SENP8: variants seen among roughly 807,000 people sequenced by gnomAD.
SENP8 encodes the protein SUMO peptidase family member, NEDD8 specific.
In SENP8, 10 loss-of-function variants were observed where a neutral mutation model predicts 14.4. The ratio of observed to expected loss-of-function variants is 0.69; its 90% confidence interval spans 0.43 to 1.18. SENP8 has a LOEUF of 1.18. Ranked by LOEUF, SENP8 falls within the 50% of genes most tolerant of loss-of-function variation. SENP8 has a pLI of 0.00. For missense variants in SENP8, 202 were observed against 249.4 expected (o/e 0.81, Z 1.28); for synonymous variants, 94 against 95.5 (o/e 0.98, Z 0.09).
At position 72,142,880 on chromosome 15, in the gene SENP8, A is replaced by C. The variant is rs982264738; in HGVS notation, c.*2618A>C. 1 of 152,204 alleles carries C rather than the reference A, an allele frequency of 6.6e-6. No homozygotes were observed. Among genetic ancestry groups the C allele is most frequent in the Non-Finnish European group, 1.5e-5 (1 of 68,048 alleles). 9.4% of individuals were successfully genotyped at this position (152,204 alleles called of 1,614,324 possible). The stretch of plus-strand genomic sequence containing the variant: ...ATGTTTTAATAACACATTCCATTGA[A>C]ATGACCAAGTAGAATTTCTCAGTTA... On this transcript the variant is annotated 3_prime_UTR_variant, in exon 2 of 2. Coordinates refer to ENST00000340912, the MANE Select transcript of SENP8 (RefSeq NM_145204.4).
In SENP8 at chr15:72,139,590, T is replaced by C; in HGVS notation, c.-34T>C. ...ATTGTCTTCTAGCTCTTGTTCAGCT[T>C]CTGGAATTTCTGAGCAGCCCTCGTC... On this transcript the variant is annotated 5_prime_UTR_variant, in exon 2 of 2. Transcript: ENST00000340912. 1 of 1,583,066 alleles carries C rather than the reference T, an allele frequency of 6.3e-7. No homozygotes were observed. The highest frequency in any genetic ancestry group is 8.6e-7 in the Non-Finnish European group (1 of 1,163,544).
At chr15:72,136,776 T>C (rs2081331513) in intron 1 of SENP8, among the ~76,000 whole-genome samples, 1 of 152,224 alleles carries the variant, frequency 6.6e-6, no homozygotes, top group African/African-American at 2.4e-5. Context: ...ATTATTACTA[T>C]TTTCTTATAA....
At chr15:72,138,453 A>G (rs1046461906) in intron 1 of SENP8, among the ~76,000 whole-genome samples, 1 of 150,472 alleles carries the variant, frequency 6.6e-6, no homozygotes, top group African/African-American at 2.4e-5. Context: ...AGGTTCAAGC[A>G]GTTCTCCCAC....
At chr15:72,121,538 G>A (rs981864709) in intron 1 of SENP8, among the ~76,000 whole-genome samples, 1 of 150,144 alleles carries the variant, frequency 6.7e-6, no homozygotes, top group Non-Finnish European at 1.5e-5. Flanking sequence ...AGACCAGCCT[G>A]GGCAACAAAG....
intron 1 of SENP8, among the ~76,000 whole-genome samples, chr15:72,136,624 G>A (rs1027875188): frequency 3.3e-5 from 5 of 151,932 alleles, no homozygotes; most frequent in Non-Finnish European, 5.9e-5. Context: ...TTTTCATATA[G>A]GTTTTTGCAG....
At chr15:72,117,083 G>A (rs1425484159), upstream of SENP8, 1 of 152,316 alleles carries the variant, frequency 6.6e-6, no homozygotes, top group Non-Finnish European at 1.5e-5. Context: ...GGAGAGGTCT[G>A]TTGAGAGAGG....
intron 1 of SENP8, among the ~76,000 whole-genome samples, chr15:72,127,187 A>G (rs117233812): frequency 0.013 from 1,920 of 152,330 alleles, 18 homozygotes; most frequent in Non-Finnish European, 0.02. Context: ...TCTTATTTTC[A>G]TAGAGCTTAC....
rs1225274933 is a variant in SENP8, at chr15:72,142,263, GA to G, written c.*2004del. 6.6e-6 allele frequency: 1 copy of G among 152,084 alleles called. No individual in the cohort carries two copies. The highest frequency in any genetic ancestry group is 1.5e-5 in the Non-Finnish European group (1 of 68,016). 9.4% of individuals were successfully genotyped at this position (152,084 alleles called of 1,614,324 possible). On this transcript the variant is annotated 3_prime_UTR_variant, in exon 2 of 2. Transcript: ENST00000340912. The stretch of plus-strand genomic sequence containing the variant: ...GTGCCACAGATTAGTGTCCTCCTAT[GA>G]AATTTTGAGTATGTCATTTGTAAAT...
chr15:72,114,466 T>G (rs568205121), upstream of SENP8: 2 of 152,166 alleles, frequency 1.3e-5, no homozygotes, highest in African/African-American at 4.8e-5. Flanking sequence ...ATGTTGGCAG[T>G]GAAGTACAGA....
At chr15:72,126,862 T>C (rs1437261203) in intron 1 of SENP8, among the ~76,000 whole-genome samples, 2 of 152,204 alleles carry the variant, frequency 1.3e-5, no homozygotes, top group African/African-American at 4.8e-5. Flanking sequence ...TTTATGCTAT[T>C]GATTTATCTA....
chr15:72,135,122 C>T (rs189082170), intron 1 of SENP8: 59 of 212,690 alleles, frequency 2.8e-4, no homozygotes, highest in Middle Eastern at 1.7e-3. Flanking sequence ...AATGCAATGG[C>T]GCAATCTCAG....
chr15:72,127,726 T>C (rs1201365297), intron 1 of SENP8, among the ~76,000 whole-genome samples: 2 of 152,180 alleles, frequency 1.3e-5, no homozygotes, highest in Non-Finnish European at 2.9e-5. Context: ...GTAGTGGAAA[T>C]AGGAGACCTG....
chr15:72,139,618 T>G lies in SENP8; in HGVS notation c.-6T>G. ...GGAATTTCTGAGCAGCCCTCGTCAG[T>G]ACAAGATGGACCCCGTAGTCTTGAG... is the stretch of plus-strand genomic sequence containing the variant. On this transcript the variant is annotated 5_prime_UTR_variant, in exon 2 of 2. Coordinates refer to ENST00000340912, the MANE Select transcript of SENP8 (RefSeq NM_145204.4). 6.2e-7 allele frequency: 1 copy of G among 1,611,990 alleles called. No individual in the cohort carries two copies. Among genetic ancestry groups the G allele is most frequent in the Non-Finnish European group, 8.5e-7 (1 of 1,178,750 alleles).
intron 1 of SENP8, among the ~76,000 whole-genome samples, chr15:72,133,309 A>G (rs181646198): frequency 1.3e-3 from 198 of 152,310 alleles, no homozygotes; most frequent in Non-Finnish European, 2.4e-3. Flanking sequence ...TCCAGTATAA[A>G]TTTCAAACTC....
chr15:72,131,959 A>G lies in SENP8; in HGVS notation c.-47-7618A>G, dbSNP rs557754733. Among the ~76,000 whole-genome samples the G allele has an allele frequency of 2.0e-5, 3 of 152,316 alleles. No individual in the cohort carries two copies. The East Asian group carries it at 5.8e-4, about 29-fold the overall frequency. ...GGAAACTAAGTTTTTTTGAGAGCCT[A>G]CTGTAGATCAGACAAGGTGCTGAGT... On this transcript the variant is annotated intron_variant, in intron 1 of 1. Transcript: ENST00000340912.
At chr15:72,132,646 C>T (rs1212388922) in intron 1 of SENP8, among the ~76,000 whole-genome samples, 2 of 147,346 alleles carry the variant, frequency 1.4e-5, no homozygotes, top group African/African-American at 4.9e-5. Context: ...CAGACCATTT[C>T]ATAATTCTTT....
chr15:72,118,073 C>A, upstream of SENP8: 1 of 394,714 alleles, frequency 2.5e-6, no homozygotes, highest in Non-Finnish European at 4.5e-6. Flanking sequence ...TTATCCGCTT[C>A]GGTCGCGCGC....
intron 1 of SENP8, among the ~76,000 whole-genome samples, chr15:72,137,754 C>G (rs374621242): frequency 6.6e-6 from 1 of 152,068 alleles, no homozygotes; most frequent in Non-Finnish European, 1.5e-5. Flanking sequence ...GGGTGGATCA[C>G]GAGGTCAGGA....
intron 1 of SENP8, chr15:72,139,212 A>G (rs377228997): frequency 1.3e-3 from 214 of 160,126 alleles, no homozygotes; most frequent in African/African-American, 4.5e-3. Flanking sequence ...CAGTTAACAC[A>G]TGTTTTTTAA....
Sources: allele counts gnomAD v4.1 joint callset (sites outside exome capture counted in the v4.1 genomes callset), GRCh38; gene constraint gnomAD v4.1.1; transcripts MANE v1.5; gene names NCBI Gene and HGNC (gene_info 2026-07-23, HGNC 2026-07-21).